Variants in ZBTB1 observed in about 807,000 individuals in gnomAD.
ZBTB1 encodes the protein zinc finger and BTB domain-containing protein 1.
Under a neutral mutation model 51.6 loss-of-function variants are expected in ZBTB1, and 13 were observed. The ratio of observed to expected loss-of-function variants is 0.25; its 90% CI spans 0.16 to 0.40. The LOEUF (loss-of-function observed/expected upper bound fraction) is 0.40. ZBTB1 is among the 10% of genes least tolerant of loss of function. ZBTB1 has a pLI of 1.00. For missense variants in ZBTB1, 567 were observed against 856.5 expected (o/e 0.66, Z 4.22); for synonymous variants, 240 against 282.2 (o/e 0.85, Z 1.50).
At chr14:64,516,543 C>A (rs749706939) in intron 1 of ZBTB1, 1 of 152,250 alleles carries the variant, frequency 6.6e-6, no homozygotes, top group African/African-American at 2.4e-5. Context: ...AACATGGATG[C>A]AGTGGGATTC....
chr14:64,526,110 G>C (rs2079901951), downstream of ZBTB1, among the ~76,000 whole-genome samples: 1 of 144,522 alleles, frequency 6.9e-6, no homozygotes, highest in African/African-American at 2.6e-5. Context: ...GAGCCACCGT[G>C]CCCGGCCACC....
chr14:64,519,550 A>G (rs1462983138), intron 1 of ZBTB1, among the ~76,000 whole-genome samples: 1 of 150,524 alleles, frequency 6.6e-6, no homozygotes, highest in African/African-American at 2.4e-5. Context: ...GATCGCTTGA[A>G]CTCAGGAGTT....
chr14:64,514,835 G>T (rs1596690725), intron 1 of ZBTB1, among the ~76,000 whole-genome samples: 1 of 152,152 alleles, frequency 6.6e-6, no homozygotes, highest in Admixed American at 6.5e-5. Flanking sequence ...ATATATAGAG[G>T]TTATTACTAT....
At chr14:64,509,098 A>T (rs2079695918) in intron 1 of ZBTB1, among the ~76,000 whole-genome samples, 1 of 152,214 alleles carries the variant, frequency 6.6e-6, no homozygotes, top group Admixed American at 6.5e-5. Flanking sequence ...GGCCAGGCAC[A>T]ATGTCTCTCA....
rs1450022846 is a variant in ZBTB1 at position 64,523,642 on chromosome 14, C to A, written c.2138C>A (p.Thr713Asn). The A allele has an allele frequency of 3.2e-6, 5 of 1,546,298 alleles. No homozygotes were observed. Among genetic ancestry groups the A allele is most frequent in the South Asian group, 1.2e-5 (1 of 83,598 alleles). The change falls in exon 2 of 2, where the codon ACC (threonine) becomes AAC (asparagine). Residue 713 changes from threonine to asparagine, a missense_variant. Thr to Asn is a moderately conservative substitution (Grantham distance 65). This residue lies in a region of ZBTB1 where 69 missense variants were observed against 171.8 expected (regional missense o/e 0.40). Transcript: ENST00000683701. This position sits in a 1 kb window ranked among gnomAD's most constrained non-coding sequence, Gnocchi z 4.5. ...SHYNAKHLKR[T>N] ...TATAATGCCAAGCATTTGAAAAGAA[C>A]CTGAGTGATTTTCTACTGTACTAAT...
intron 1 of ZBTB1, among the ~76,000 whole-genome samples, chr14:64,519,975 ATAATC>A (rs1379872087): frequency 7.3e-6 from 1 of 136,210 alleles, no homozygotes; most frequent in Non-Finnish European, 1.6e-5. Flanking sequence ...CCATTTCTAT[ATAATC>A]TAATAAGGTT....
chr14:64,509,998 T>C (rs1431030941), intron 1 of ZBTB1, among the ~76,000 whole-genome samples: 2 of 137,980 alleles, frequency 1.4e-5, no homozygotes, highest in African/African-American at 5.2e-5. Context: ...AAAAAAAAAG[T>C]GTAGGATCTG....
intron 1 of ZBTB1, among the ~76,000 whole-genome samples, chr14:64,508,603 C>G (rs899412019): frequency 6.6e-6 from 1 of 152,128 alleles, no homozygotes. Context: ...CTTCTACTTA[C>G]AAGATAAGCA....
At chr14:64,505,796 T>C (rs553431269) in intron 1 of ZBTB1, among the ~76,000 whole-genome samples, 1 of 152,364 alleles carries the variant, frequency 6.6e-6, no homozygotes, top group East Asian at 1.9e-4. Flanking sequence ...GATAACGTTC[T>C]TAAGTCGAAT....
chr14:64,510,200 T>G (rs762551242), intron 1 of ZBTB1, among the ~76,000 whole-genome samples: 1 of 152,172 alleles, frequency 6.6e-6, no homozygotes, highest in African/African-American at 2.4e-5. Flanking sequence ...TAGCACTTAC[T>G]CCATGAGAGA....
At chr14:64,533,497 A>C (rs1021128129) in exon 3 of ZBTB1, 1 of 152,572 alleles carries the variant, frequency 6.6e-6, no homozygotes. Context: ...AAATGGCTTA[A>C]ATTTTGACTG....
At chr14:64,505,353 G>C (rs1350675447) in intron 1 of ZBTB1, 1 of 157,368 alleles carries the variant, frequency 6.4e-6, no homozygotes, top group Non-Finnish European at 1.4e-5. Context: ...GGGAGGGGAA[G>C]TGTCCCGGAG....
Position 64,531,409 on chromosome 14 carries a change from C to T in ZBTB1, c.1899-452C>T, listed in dbSNP as rs116403927. ...TGTATGTGTGTGTGCGTGTATGCTT[C>T]ATTTTCATTTGCAGAGTGGCTGAAG... On this transcript the variant is annotated intron_variant, in intron 2 of 2. Transcript: ENST00000358738. Among the ~76,000 whole-genome samples the T allele has an allele frequency of 4.9e-3, 741 of 152,080 alleles. 6 individuals are homozygous for T. Among genetic ancestry groups the T allele is most frequent in the African/African-American group, 0.017 (713 of 41,500 alleles).
intron 1 of ZBTB1, chr14:64,514,250 A>G (rs900748643): frequency 2.0e-5 from 3 of 152,240 alleles, no homozygotes; most frequent in Non-Finnish European, 4.4e-5. Context: ...ATATACATAA[A>G]TCTTCCTTGA....
At position 64,523,696 on chromosome 14, in the gene ZBTB1, A is replaced by C. The variant is rs1367489524; in HGVS notation, c.*50A>C. The C allele has an allele frequency of 6.7e-7, 1 of 1,481,680 alleles. No individual in the cohort carries two copies. Among genetic ancestry groups the C allele is most frequent in the East Asian group, 2.5e-5 (1 of 40,324 alleles). The allele number at this position is 1,481,680 out of a possible 1,614,324, so 91.8% of individuals were successfully genotyped here. A position where few individuals can be genotyped will look rare whatever the true frequency, so the allele number is the denominator to read the frequency against. On this transcript the variant is annotated 3_prime_UTR_variant, in exon 2 of 2. Coordinates refer to ENST00000683701, the MANE Select transcript of ZBTB1 (RefSeq NM_001123329.2). The surrounding 1 kb of genome is among the most constrained non-coding windows in gnomAD (Gnocchi z 4.5). ...TAGATGATAGCAGATAAAACACCAA[A>C]GCAAAGGATATGAGCTATTTAGGAA...
chr14:64,519,530 G>A (rs553173243), intron 1 of ZBTB1, among the ~76,000 whole-genome samples: 15 of 150,798 alleles, frequency 9.9e-5, no homozygotes, highest in African/African-American at 2.9e-4. Flanking sequence ...TTGGAAGCCC[G>A]AGGCAGGAGG....
chr14:64,528,775 A>G (rs530571388), downstream of ZBTB1, among the ~76,000 whole-genome samples: 6 of 152,312 alleles, frequency 3.9e-5, no homozygotes, highest in South Asian at 1.0e-3. Flanking sequence ...ATTAATCCCC[A>G]CAGCCTTATG....
At chr14:64,526,902 G>T (rs2079907768), downstream of ZBTB1, among the ~76,000 whole-genome samples, 1 of 151,852 alleles carries the variant, frequency 6.6e-6, no homozygotes, top group South Asian at 2.1e-4. Context: ...TTAATTAGCA[G>T]GGCATGGTGG....
chr14:64,509,330 C>T (rs2079698954), intron 1 of ZBTB1, among the ~76,000 whole-genome samples: 1 of 152,090 alleles, frequency 6.6e-6, no homozygotes, highest in African/African-American at 2.4e-5. Flanking sequence ...GAAATTGCCC[C>T]ATTGCACTCC....
Sources: allele counts gnomAD v4.1 joint callset (sites outside exome capture counted in the v4.1 genomes callset), GRCh38; gene constraint gnomAD v4.1.1; regional missense constraint gnomAD v4.1.1; non-coding constraint Gnocchi (gnomAD v3.1); transcripts MANE v1.5; gene names NCBI Gene and HGNC (gene_info 2026-07-23, HGNC 2026-07-21).